WDR76: variants seen among roughly 807,000 people sequenced by gnomAD.
WDR76 encodes the protein WD repeat-containing protein 76.
Under a neutral mutation model 70.2 loss-of-function variants are expected in WDR76, and 52 were observed. The ratio of observed to expected loss-of-function variants is 0.74; its 90% confidence interval spans 0.59 to 0.93. The LOEUF is 0.93. Ranked by LOEUF, WDR76 falls within the 40% of genes least tolerant of loss-of-function variation. The pLI is 0.00. For synonymous variants in WDR76, 292 were observed against 271.1 expected, an observed-to-expected ratio of 1.08 and a Z score of -0.76; for missense variants, 756 against 760.2, an observed-to-expected ratio of 0.99 and a Z score of 0.07.
intron 9 of WDR76, among the ~76,000 whole-genome samples, chr15:43,855,913 C>T (rs2087921008): frequency 6.6e-6 from 1 of 151,946 alleles, no homozygotes; most frequent in South Asian, 2.1e-4. Context: ...AGTAAATCTG[C>T]CTGTTGTTCA....
chr15:43,841,599 C>T (rs1248804081), intron 5 of WDR76, among the ~76,000 whole-genome samples: 1 of 151,940 alleles, frequency 6.6e-6, no homozygotes, highest in Non-Finnish European at 1.5e-5. Flanking sequence ...CTCAGCCTCC[C>T]AAAGTGCAGG....
In WDR76 at chr15:43,844,036, A is replaced by C. The variant is rs903735233; in HGVS notation, c.1014A>C (p.Gln338His). ...TAGCAGTTGGGGCCAAATTTGGGCA[A>C]GTTGGACTTTGTGATTTGGTAAGTT... Reference protein sequence around the residue: ...TLVAVGAKFGQVGLCDLTQQP... With the variant: ...TLVAVGAKFGHVGLCDLTQQP... The change falls in exon 8 of 13, where the codon CAA becomes CAC. Residue 338 changes from glutamine to histidine, a missense_variant. By Grantham distance (24) the Gln-to-His change is conservative (BLOSUM62 0). Transcript: ENST00000263795. The C allele has an allele frequency of 1.9e-6, 3 of 1,611,780 alleles. No individual in the cohort carries two copies. Among genetic ancestry groups the C allele is most frequent in the Non-Finnish European group, 1.7e-6 (2 of 1,179,410 alleles).
At chr15:43,841,201 GTT>G (rs910565504) in intron 5 of WDR76, among the ~76,000 whole-genome samples, 13 of 102,256 alleles carry the variant, frequency 1.3e-4, no homozygotes, top group East Asian at 5.4e-4. Flanking sequence ...TTGTTTTTTT[GTT>G]TTTTTTTTTT....
At chr15:43,836,379 C>T (rs1430490859) in intron 4 of WDR76, among the ~76,000 whole-genome samples, 163 bp downstream of exon 4, 2 of 152,120 alleles carry the variant, frequency 1.3e-5, no homozygotes, top group African/African-American at 2.4e-5. Context: ...AATAACTTTA[C>T]AATTCTCATC....
In WDR76 at chr15:43,866,488, A is replaced by T; in HGVS notation, c.*96A>T. Reference sequence around the variant, plus strand: ...TAGTGTGTTTATGTGGTAATGTGTTACATTTAGCAATTATAACATTGTTTT... The same window carrying T: ...TAGTGTGTTTATGTGGTAATGTGTTTCATTTAGCAATTATAACATTGTTTT... On this transcript the variant is annotated 3_prime_UTR_variant, in exon 13 of 13. Coordinates refer to ENST00000263795, the MANE Select transcript of WDR76 (RefSeq NM_024908.4). 7.4e-7 allele frequency: 1 copy of T among 1,345,694 alleles called. No individual in the cohort carries two copies. The highest frequency in any genetic ancestry group is 1.0e-6 in the Non-Finnish European group (1 of 969,924). 83.4% of individuals were successfully genotyped at this position (1,345,694 alleles called of 1,614,324 possible).
At chr15:43,844,711 CG>C (rs2087765966) in intron 8 of WDR76, among the ~76,000 whole-genome samples, 1 of 150,820 alleles carries the variant, frequency 6.6e-6, no homozygotes, top group Admixed American at 6.6e-5. Context: ...AGATCGAGAC[CG>C]TCCTGGCTAA....
Position 43,842,470 on chromosome 15 carries a change from A to G in WDR76, c.788A>G (p.Asn263Ser), listed in dbSNP as rs201894093. ...EMTSENQEDN[N>S]ERFKGFLHTW... ...ACTTCTGAAAATCAAGAAGACAACA[A>G]TGAACGATTTAAAGGATTTCTGCAC... The change falls in exon 6 of 13, where the codon AAT (asparagine) becomes AGT (serine). Residue 263 changes from asparagine to serine, a missense_variant. Transcript: ENST00000263795. 170 of 1,614,040 alleles carry G rather than the reference A, an allele frequency of 1.1e-4. 1 individual carries two copies. The highest frequency in any genetic ancestry group is 2.8e-5 in the Non-Finnish European group (33 of 1,180,026).
In WDR76 at chr15:43,828,824, C is replaced by T. The variant is rs889280988; in HGVS notation, c.462+458C>T. 5.3e-5 allele frequency among the ~76,000 whole-genome samples: 8 copies of T among 151,880 alleles called. No homozygotes were observed. The East Asian group carries it at 1.5e-3, about 29-fold the overall frequency. Reference sequence around the variant, plus strand: ...TTTAAATGCAAAACGAGACAAATGACAGAGTAGGTAAGATACATGAGAAAC... The same window carrying T: ...TTTAAATGCAAAACGAGACAAATGATAGAGTAGGTAAGATACATGAGAAAC... On this transcript the variant is annotated intron_variant, in intron 2 of 12. Coordinates refer to ENST00000263795, the MANE Select transcript of WDR76 (RefSeq NM_024908.4).
At chr15:43,839,906 G>T (rs971118396) in intron 5 of WDR76, among the ~76,000 whole-genome samples, 178 bp downstream of exon 5, 1 of 152,124 alleles carries the variant, frequency 6.6e-6, no homozygotes, top group African/African-American at 2.4e-5. Flanking sequence ...CGCCCAGACT[G>T]GAGTGCAGTG....
At chr15:43,849,633 G>T (rs144122929) in intron 8 of WDR76, among the ~76,000 whole-genome samples, 4 of 152,114 alleles carry the variant, frequency 2.6e-5, no homozygotes, top group African/African-American at 7.2e-5. Flanking sequence ...CTGCCTCCCC[G>T]GTTCAAGCAA....
Position 43,866,118 on chromosome 15 carries a change from T to A in WDR76, c.1617-10T>A. On this transcript the variant is annotated splice_polypyrimidine_tract_variant and intron_variant, in intron 12 of 12. Coordinates refer to ENST00000263795, the MANE Select transcript of WDR76 (RefSeq NM_024908.4). The stretch of plus-strand genomic sequence containing the variant: ...ACTTCATTTAAAAAATATATTGTTT[T>A]CCTCACTAGGCACAACACTTTCACT... 1 of 1,612,700 alleles carries A rather than the reference T, an allele frequency of 6.2e-7. No individual in the cohort carries two copies. Among genetic ancestry groups the A allele is most frequent in the Non-Finnish European group, 8.5e-7 (1 of 1,178,898 alleles).
At position 43,842,498 on chromosome 15, in the gene WDR76, A is replaced by C; in HGVS notation, c.816A>C (p.Thr272=). ...NNERFKGFLH[T]WAGMSKPSSK... is the part of the protein sequence containing the mutation. ...AACGATTTAAAGGATTTCTGCACACATGGGCAGGAATGAGCAAGGTATCAC... is the reference window on the plus strand; with the variant it reads ...AACGATTTAAAGGATTTCTGCACACCTGGGCAGGAATGAGCAAGGTATCAC... The change falls in exon 6 of 13, where the codon ACA becomes ACC. Residue 272 remains threonine, a synonymous_variant. Coordinates refer to ENST00000263795, the MANE Select transcript of WDR76 (RefSeq NM_024908.4). 1.2e-6 allele frequency: 2 copies of C among 1,613,968 alleles called. No individual in the cohort carries two copies. The highest frequency in any genetic ancestry group is 1.7e-6 in the Non-Finnish European group (2 of 1,179,916).
chr15:43,833,098 C>CA (rs918153035), intron 2 of WDR76, among the ~76,000 whole-genome samples: 2 of 151,864 alleles, frequency 1.3e-5, no homozygotes, highest in African/African-American at 4.8e-5. Context: ...GCTGCATACT[C>CA]ATTGGGCCTT....
At chr15:43,839,836 A>G (rs1450726656) in intron 5 of WDR76, 108 bp downstream of exon 5, 1 of 1,276,750 alleles carries the variant, frequency 7.8e-7, no homozygotes, top group Non-Finnish European at 1.1e-6. Context: ...TTTATATTTC[A>G]TTAATACTTG....
chr15:43,827,844 C>T (rs1434969247), intron 1 of WDR76, 121 bp from the exon 2 acceptor site: 2 of 1,157,278 alleles, frequency 1.7e-6, no homozygotes, highest in Non-Finnish European at 2.4e-6. Flanking sequence ...TGCACCTGGC[C>T]TCAATTTGGA....
At chr15:43,858,243 G>GTTTTT (rs5812252) in intron 10 of WDR76, among the ~76,000 whole-genome samples, 1 of 143,366 alleles carries the variant, frequency 7.0e-6, no homozygotes. Flanking sequence ...AGAGAGTTCT[G>GTTTTT]TTTTTTTTTT....
intron 8 of WDR76, among the ~76,000 whole-genome samples, chr15:43,848,551 G>C (rs1001291423): frequency 6.6e-6 from 1 of 152,208 alleles, no homozygotes; most frequent in African/African-American, 2.4e-5. Context: ...ACAGTGAGTA[G>C]TAGAACTGAT....
At chr15:43,841,201 G>GTTTTTTTTTTT (rs910565504) in intron 5 of WDR76, among the ~76,000 whole-genome samples, 5 of 102,268 alleles carry the variant, frequency 4.9e-5, no homozygotes, top group Non-Finnish European at 7.9e-5. Context: ...TTGTTTTTTT[G>GTTTTTTTTTTT]TTTTTTTTTT....
Position 43,868,202 on chromosome 15 carries a change from C to T in WDR76, c.*1810C>T, listed in dbSNP as rs1040572258. On this transcript the variant is annotated 3_prime_UTR_variant, in exon 13 of 13. Transcript: ENST00000263795. ...GAGGTTGAGTTATAATTAAACTGTT[C>T]AGGAAACATCGTAAAGGCTTTAGGC... The T allele has an allele frequency of 6.6e-6, 1 of 152,146 alleles. No individual in the cohort carries two copies. Among genetic ancestry groups the T allele is most frequent in the Non-Finnish European group, 1.5e-5 (1 of 68,024 alleles). 9.4% of individuals were successfully genotyped at this position (152,146 alleles called of 1,614,324 possible). A position where few individuals can be genotyped will look rare whatever the true frequency, so the allele number is the denominator to read the frequency against.
Sources: allele counts gnomAD v4.1 joint callset (sites outside exome capture counted in the v4.1 genomes callset), GRCh38; gene constraint gnomAD v4.1.1; transcripts MANE v1.5; gene names NCBI Gene and HGNC (gene_info 2026-07-23, HGNC 2026-07-21).